Variants in SYT1 observed in about 807,000 individuals in gnomAD.
The protein encoded by SYT1 is synaptotagmin 1.
A neutral mutation model predicts 44.8 loss-of-function variants in SYT1; 8 were observed. That is an observed-to-expected ratio of 0.18 (90% confidence interval 0.10 to 0.32). The LOEUF (loss-of-function observed/expected upper bound fraction) is 0.32. SYT1 is among the 10% of genes least tolerant of loss of function. The pLI is 1.00. For missense variants in SYT1, 286 were observed against 509.3 expected (o/e 0.56, Z 4.22); for synonymous variants, 154 against 188.8 (o/e 0.82, Z 1.51).
In SYT1 at chr12:78,909,362, AT is replaced by A. The variant is rs896836616; in HGVS notation, c.-217+44261del. 1.4e-3 allele frequency among the ~76,000 whole-genome samples: 213 copies of A among 151,586 alleles called. 1 individual carries two copies. Among genetic ancestry groups the A allele is most frequent in the African/African-American group, 3.6e-3 (147 of 41,408 alleles). ...TATTTTCTAGGTAGAAAAATAATTT[AT>A]TTTTTTTCTTATTACATCTTCAAAT... On this transcript the variant is annotated intron_variant, in intron 1 of 10. Coordinates refer to ENST00000261205, the MANE Select transcript of SYT1 (RefSeq NM_005639.3).
chr12:78,987,445 A>G (rs532150207), intron 2 of SYT1, among the ~76,000 whole-genome samples: 6 of 152,006 alleles, frequency 3.9e-5, no homozygotes, highest in African/African-American at 9.6e-5. Context: ...GATGTGGGGG[A>G]AAAAAAGACA....
intron 8 of SYT1, among the ~76,000 whole-genome samples, chr12:79,310,821 G>T (rs1289302753): frequency 6.6e-6 from 1 of 152,152 alleles, no homozygotes; most frequent in Non-Finnish European, 1.5e-5. Flanking sequence ...CTGTTTGTCT[G>T]TTATTGGTGT....
chr12:79,437,443 G>T (rs1870154460), intron 9 of SYT1, among the ~76,000 whole-genome samples: 1 of 152,118 alleles, frequency 6.6e-6, no homozygotes, highest in Admixed American at 6.6e-5. Context: ...GGTCTACGAG[G>T]TTGGAATCAT....
chr12:79,349,508 G>T (rs982827323), intron 8 of SYT1, among the ~76,000 whole-genome samples: 1 of 152,100 alleles, frequency 6.6e-6, no homozygotes, highest in Non-Finnish European at 1.5e-5. Flanking sequence ...AAAAGAGTTT[G>T]CCCCAGTTCC....
intron 3 of SYT1, among the ~76,000 whole-genome samples, chr12:79,137,293 A>C (rs1379187615): frequency 6.6e-6 from 1 of 151,934 alleles, no homozygotes; most frequent in East Asian, 1.9e-4. Flanking sequence ...ACAGGGTTTC[A>C]CCATGTTGGT....
intron 1 of SYT1, among the ~76,000 whole-genome samples, chr12:78,876,853 A>ATG (rs1193810601): frequency 2.3e-5 from 2 of 88,388 alleles, no homozygotes; most frequent in African/African-American, 9.1e-5. Context: ...TATATATTAT[A>ATG]TATAATATAT....
chr12:79,304,841 C>G (rs958630166), intron 8 of SYT1, among the ~76,000 whole-genome samples: 1 of 151,894 alleles, frequency 6.6e-6, no homozygotes, highest in African/African-American at 2.4e-5. Context: ...TATATTAAAA[C>G]TATAATATAT....
chr12:79,185,359 C>T (rs1007850411), intron 3 of SYT1, among the ~76,000 whole-genome samples: 2 of 151,842 alleles, frequency 1.3e-5, no homozygotes, highest in Non-Finnish European at 2.9e-5. Flanking sequence ...AAGGTCTTCA[C>T]CTCCATCAGG....
chr12:79,092,738 G>C (rs1877864591), intron 3 of SYT1, among the ~76,000 whole-genome samples: 1 of 151,680 alleles, frequency 6.6e-6, no homozygotes, highest in Admixed American at 6.6e-5. Flanking sequence ...AATGGTACTT[G>C]TGAGAGTCTT....
At position 79,381,810 on chromosome 12, in the gene SYT1, T is replaced by C. The variant is rs1031691280; in HGVS notation, c.928+28191T>C. Among the ~76,000 whole-genome samples the C allele has an allele frequency of 3.5e-4, 53 of 152,224 alleles. 1 individual carries two copies. The highest frequency in any genetic ancestry group is 2.2e-4 in the Non-Finnish European group (15 of 68,030). On this transcript the variant is annotated intron_variant, in intron 9 of 10. Coordinates refer to ENST00000261205, the MANE Select transcript of SYT1 (RefSeq NM_005639.3). ...TACATTAATGTTTTCTACATCTTGT[T>C]AGGATAGGATTGTCCAGCTGAGGGG...
chr12:79,052,452 A>G (rs1301737987), intron 3 of SYT1, among the ~76,000 whole-genome samples: 2 of 152,216 alleles, frequency 1.3e-5, no homozygotes, highest in Non-Finnish European at 2.9e-5. Flanking sequence ...ATGGGCAAGG[A>G]CTTCATGTCT....
At chr12:79,256,354 C>T (rs1877515897) in intron 4 of SYT1, among the ~76,000 whole-genome samples, 1 of 152,214 alleles carries the variant, frequency 6.6e-6, no homozygotes, top group Admixed American at 6.5e-5. Flanking sequence ...AAAGGAATCT[C>T]AGGCTTTGTT....
intron 4 of SYT1, among the ~76,000 whole-genome samples, chr12:79,250,090 G>A (rs1287536549): frequency 6.6e-6 from 1 of 152,068 alleles, no homozygotes; most frequent in East Asian, 1.9e-4. Flanking sequence ...TTCCATTTTA[G>A]AGAAATTAAC....
chr12:79,404,251 A>T (rs1353611888), intron 9 of SYT1, among the ~76,000 whole-genome samples: 1 of 152,194 alleles, frequency 6.6e-6, no homozygotes, highest in Non-Finnish European at 1.5e-5. Context: ...TGAATGGCAG[A>T]CTAAATTATA....
intron 3 of SYT1, among the ~76,000 whole-genome samples, chr12:79,060,140 A>C (rs1000269662): frequency 6.6e-6 from 1 of 152,096 alleles, no homozygotes; most frequent in African/African-American, 2.4e-5. Context: ...TGGTTGAACC[A>C]AAGTGACAAC....
intron 3 of SYT1, among the ~76,000 whole-genome samples, chr12:79,127,808 G>C (rs983645249): frequency 1.4e-4 from 22 of 152,118 alleles, no homozygotes; most frequent in African/African-American, 4.8e-4. Flanking sequence ...CAATAGAAGG[G>C]GACCTTCTTT....
At chr12:79,349,139 G>A (rs770674613) in intron 8 of SYT1, among the ~76,000 whole-genome samples, 2 of 149,150 alleles carry the variant, frequency 1.3e-5, no homozygotes, top group Non-Finnish European at 3.0e-5. Context: ...GGAAGGAAGA[G>A]GAAGGAAGGA....
At chr12:79,413,196 C>T (rs1265848052) in intron 9 of SYT1, among the ~76,000 whole-genome samples, 1 of 152,176 alleles carries the variant, frequency 6.6e-6, no homozygotes, top group Non-Finnish European at 1.5e-5. Context: ...ATATTTTCCT[C>T]CTTTGAAGAA....
chr12:79,403,331 TAG>T (rs2089650622), intron 9 of SYT1, among the ~76,000 whole-genome samples: 1 of 152,092 alleles, frequency 6.6e-6, no homozygotes, highest in African/African-American at 2.4e-5. Flanking sequence ...CATTCAATTT[TAG>T]AGTTTGGCAA....
Sources: allele counts gnomAD v4.1 joint callset (sites outside exome capture counted in the v4.1 genomes callset), GRCh38; gene constraint gnomAD v4.1.1; transcripts MANE v1.5; gene names NCBI Gene and HGNC (gene_info 2026-07-23, HGNC 2026-07-21).